ANKDD1A: variants seen among roughly 807,000 people sequenced by gnomAD.
ANKDD1A encodes ankyrin repeat and death domain-containing protein 1A.
A neutral mutation model predicts 63.5 loss-of-function variants in ANKDD1A; 59 were observed. That is an observed-to-expected ratio of 0.93 (90% CI 0.75 to 1.15). The LOEUF (loss-of-function observed/expected upper bound fraction) is 1.15. ANKDD1A is among the 50% of genes most tolerant of loss of function. The pLI, the probability that ANKDD1A is intolerant of heterozygous loss-of-function variation, is 0.00. For synonymous variants in ANKDD1A, 266 were observed against 263.9 expected, an observed-to-expected ratio of 1.01 and a Z score of -0.08; for missense variants, 632 against 656.4, an observed-to-expected ratio of 0.96 and a Z score of 0.41.
chr15:64,955,185 C>T (rs1477040430), intron 14 of ANKDD1A, among the ~76,000 whole-genome samples: 2 of 152,054 alleles, frequency 1.3e-5, no homozygotes, highest in African/African-American at 2.4e-5. Flanking sequence ...TCCTGAGTAG[C>T]TGGGACTACA....
chr15:64,920,758 G>A (rs1337836147), intron 3 of ANKDD1A, among the ~76,000 whole-genome samples: 1 of 151,962 alleles, frequency 6.6e-6, no homozygotes, highest in Non-Finnish European at 1.5e-5. Context: ...ATATTGCCCA[G>A]GCTGGTCTTG....
At chr15:64,916,192 A>G (rs2140363897) in intron 2 of ANKDD1A, among the ~76,000 whole-genome samples, 1 of 152,332 alleles carries the variant, frequency 6.6e-6, no homozygotes, top group African/African-American at 2.4e-5. Flanking sequence ...CAGGAGGGCC[A>G]GGGTCAAAGG....
At position 64,940,578 on chromosome 15, in the gene ANKDD1A, A is replaced by G. The variant is rs962627960; in HGVS notation, c.868-1889A>G. Among the ~76,000 whole-genome samples the G allele has an allele frequency of 3.0e-3, 444 of 146,046 alleles. 2 individuals are homozygous for G. Among genetic ancestry groups the G allele is most frequent in the Admixed American group, 4.0e-3 (58 of 14,338 alleles). ...CTCCCGAGTAGCTGGGACTACAGGC[A>G]CCCGCCACCAAGCCCGGCTAATTTT... On this transcript the variant is annotated intron_variant, in intron 9 of 14. Transcript: ENST00000319580.
At chr15:64,953,544 T>TTCTTCTG (rs2085345427) in intron 14 of ANKDD1A, among the ~76,000 whole-genome samples, 1 of 134,912 alleles carries the variant, frequency 7.4e-6, no homozygotes, top group Admixed American at 7.4e-5. Flanking sequence ...CTCTCCTTCT[T>TTCTTCTG]CCTTCTCCTT....
At chr15:64,920,443 C>T (rs548880790) in intron 3 of ANKDD1A, among the ~76,000 whole-genome samples, 1 of 152,072 alleles carries the variant, frequency 6.6e-6, no homozygotes, top group Non-Finnish European at 1.5e-5. Flanking sequence ...CAATAGAGCT[C>T]GAGGAGGCAT....
chr15:64,954,159 C>CTTCTTTCTTTTTGTTCCTTATTAT (rs2085376018), intron 14 of ANKDD1A, among the ~76,000 whole-genome samples: 1 of 48,390 alleles, frequency 2.1e-5, no homozygotes, highest in Non-Finnish European at 7.4e-5. Context: ...CCTTATTATT[C>CTTCTTTCTTTTTGTTCCTTATTAT]TTTCTTCTTT....
At chr15:64,916,975 G>T (rs976993654) in intron 2 of ANKDD1A, among the ~76,000 whole-genome samples, 2 of 152,180 alleles carry the variant, frequency 1.3e-5, no homozygotes, top group Admixed American at 6.5e-5. Flanking sequence ...GCCTCTCAGG[G>T]ACTTGGAGGA....
intron 9 of ANKDD1A, 120 bp downstream of exon 9, chr15:64,934,354 T>G (rs1037693761): frequency 1.3e-5 from 11 of 818,828 alleles, no homozygotes; most frequent in African/African-American, 6.9e-5. Context: ...GGACCAGGAG[T>G]AGGGGAGCCG....
chr15:64,934,604 A>G (rs1020613296), intron 9 of ANKDD1A, among the ~76,000 whole-genome samples: 8 of 149,258 alleles, frequency 5.4e-5, no homozygotes, highest in East Asian at 2.0e-4. Flanking sequence ...GGTTCAAGCA[A>G]TTCTCCTGCC....
chr15:64,923,171 A>T (rs2085020336), intron 4 of ANKDD1A, among the ~76,000 whole-genome samples: 1 of 151,934 alleles, frequency 6.6e-6, no homozygotes. Context: ...CACCAATAGG[A>T]ATTTGTTGGG....
intron 13 of ANKDD1A, among the ~76,000 whole-genome samples, chr15:64,948,870 G>T (rs192722062): frequency 3.3e-5 from 5 of 152,132 alleles, no homozygotes; most frequent in Admixed American, 1.3e-4. Context: ...TATGCAAATT[G>T]ACATTTGCAT....
At chr15:64,947,617 C>G (rs1344727607) in intron 13 of ANKDD1A, 24 bp downstream of exon 13, 1 of 1,610,864 alleles carries the variant, frequency 6.2e-7, no homozygotes, top group East Asian at 2.2e-5. Flanking sequence ...TCTCCTCGCC[C>G]TAAGCAACCA....
intron 14 of ANKDD1A, among the ~76,000 whole-genome samples, chr15:64,954,344 CT>C: frequency 1.5e-5 from 1 of 68,696 alleles, no homozygotes; most frequent in African/African-American, 5.1e-5. Context: ...TCTTCCTCCT[CT>C]CCTTCTTCTC....
intron 12 of ANKDD1A, 133 bp downstream of exon 12, chr15:64,944,880 T>G: frequency 1.3e-6 from 1 of 787,266 alleles, no homozygotes; most frequent in South Asian, 1.9e-5. Context: ...AATCACCACC[T>G]TGTATGTTAC....
In ANKDD1A at chr15:64,949,981, G is replaced by T; in HGVS notation, c.1483+9G>T. 1.9e-6 allele frequency: 3 copies of T among 1,608,258 alleles called. No individual in the cohort carries two copies. The highest frequency in any genetic ancestry group is 2.2e-5 in the East Asian group (1 of 44,878). On this transcript the variant is annotated intron_variant, in intron 14 of 14. Transcript: ENST00000319580. ...CAGGAGGGACCTGGCTGGTAAGAGC[G>T]TACTCTGCTGGGCTGCTTCTCAGGA...
Position 64,952,486 on chromosome 15 carries a change from TTCGTCACCGTCTTCTCC to T in ANKDD1A, c.1483+2516_1483+2532del, listed in dbSNP as rs2085309640. ...CCTTCTTCCTTCTCCTTCTTCTTCC[TTCGTCACCGTCTTCTCC>T]TTCTTCTTACTTTCTTCTTCCTTCG... On this transcript the variant is annotated intron_variant, in intron 14 of 14. Coordinates refer to ENST00000319580, the MANE Select transcript of ANKDD1A (RefSeq NM_182703.6). 2.0e-5 allele frequency among the ~76,000 whole-genome samples: 3 copies of T among 146,912 alleles called. No homozygotes were observed. The South Asian group carries it at 6.7e-4, about 33-fold the overall frequency.
intron 12 of ANKDD1A, among the ~76,000 whole-genome samples, chr15:64,945,610 A>ATATATATATATATATATATG (rs2085216925): frequency 1.5e-5 from 1 of 66,738 alleles, no homozygotes; most frequent in African/African-American, 7.0e-5. Flanking sequence ...TTTTCAACAT[A>ATATATATATATATATATATG]TATATATATA....
At chr15:64,951,850 CTTTCTTCTTCCTCT>C (rs2085289311) in intron 14 of ANKDD1A, among the ~76,000 whole-genome samples, 6 of 50,890 alleles carry the variant, frequency 1.2e-4, no homozygotes, top group Non-Finnish European at 3.0e-4. Flanking sequence ...CTTTCTTCTT[CTTTCTTCTTCCTCT>C]TCTTTTTCTT....
At chr15:64,957,035 T>C (rs905937285) in intron 14 of ANKDD1A, 68 bp from the exon 15 acceptor site, 1 of 444,690 alleles carries the variant, frequency 2.2e-6, no homozygotes, top group Non-Finnish European at 4.5e-6. Context: ...TAAATCTTTC[T>C]GAGCTACACT....
Sources: allele counts gnomAD v4.1 joint callset (sites outside exome capture counted in the v4.1 genomes callset), GRCh38; gene constraint gnomAD v4.1.1; transcripts MANE v1.5; gene names NCBI Gene and HGNC (gene_info 2026-07-23, HGNC 2026-07-21).